The following LMAN2 variants were observed in gnomAD, a reference collection of about 807,000 sequenced individuals.
The protein encoded by LMAN2 is vesicular integral-membrane protein VIP36.
Under a neutral mutation model 39.3 loss-of-function variants are expected in LMAN2, and 22 were observed. The observed-to-expected ratio is 0.56, with a 90% CI of 0.40 to 0.80. LMAN2 has a LOEUF of 0.80. LMAN2 is among the 30% of genes least tolerant of loss of function. LMAN2 has a pLI of 0.00. For synonymous variants in LMAN2, 207 were observed against 207.8 expected (o/e 1.00, Z 0.03); for missense variants, 494 against 505.4 (o/e 0.98, Z 0.22).
Position 177,334,266 on chromosome 5 carries a change from G to A in LMAN2, c.910+18C>T, listed in dbSNP as rs1461116489. The A allele has an allele frequency of 1.1e-5, 17 of 1,607,984 alleles. No individual in the cohort carries two copies. The highest frequency in any genetic ancestry group is 4.5e-5 in the East Asian group (2 of 44,824). Reference sequence around the variant, plus strand: ...CAGGCCGCCCAGGCCCAGGCAGGGCGGGGCTGTGCACACGCACCTTTGGGC... The same window carrying A: ...CAGGCCGCCCAGGCCCAGGCAGGGCAGGGCTGTGCACACGCACCTTTGGGC... On this transcript the variant is annotated intron_variant, in intron 7 of 7. Coordinates refer to ENST00000303127, the MANE Select transcript of LMAN2 (RefSeq NM_006816.3).
chr5:177,347,700 C>T (rs1396956310), intron 2 of LMAN2, among the ~76,000 whole-genome samples: 1 of 152,156 alleles, frequency 6.6e-6, no homozygotes, highest in Non-Finnish European at 1.5e-5. Context: ...TGCAACGAAA[C>T]GGAATGCAGA....
At chr5:177,334,240 T>A (rs765987894) in intron 7 of LMAN2, 44 bp downstream of exon 7, 2 of 1,577,604 alleles carry the variant, frequency 1.3e-6, no homozygotes, top group East Asian at 4.5e-5. Context: ...CCATTCTGGG[T>A]CAGGCCGCCC....
chr5:177,350,090 G>A lies in LMAN2; in HGVS notation c.315+1083C>T, dbSNP rs1761698657. 2.0e-5 allele frequency among the ~76,000 whole-genome samples: 3 copies of A among 152,256 alleles called. No individual in the cohort carries two copies. The South Asian group carries it at 6.2e-4, about 31-fold the overall frequency. On this transcript the variant is annotated intron_variant, in intron 2 of 7. Coordinates refer to ENST00000303127, the MANE Select transcript of LMAN2 (RefSeq NM_006816.3). ...AGGGGACTCCACGCTCTGAGGATCA[G>A]ACTGAAAGCTGAAGAAAGTATCCGC...
Position 177,335,080 on chromosome 5 carries a change from C to T in LMAN2, c.791-677G>A, listed in dbSNP as rs528565946. 6.4e-4 allele frequency among the ~76,000 whole-genome samples: 97 copies of T among 152,326 alleles called. 1 individual carries two copies. The highest frequency in any genetic ancestry group is 2.3e-3 in the African/African-American group (95 of 41,576). On this transcript the variant is annotated intron_variant, in intron 6 of 7. Coordinates refer to ENST00000303127, the MANE Select transcript of LMAN2 (RefSeq NM_006816.3). The stretch of plus-strand genomic sequence containing the variant: ...AGGAGGCTGAGGCTCAAAGCCGACA[C>T]GTGGGTCCTGGTCAGCCTGGGACTG...
intron 2 of LMAN2, among the ~76,000 whole-genome samples, chr5:177,345,736 C>CATTCATTT (rs1554092033): frequency 0.017 from 2,350 of 135,524 alleles, 57 homozygotes; most frequent in Admixed American, 0.063. Flanking sequence ...CCATGGCATG[C>CATTCATTT]ATTTATTTAT....
At chr5:177,336,487 A>C (rs10056172) in intron 6 of LMAN2, among the ~76,000 whole-genome samples, 10,629 of 151,934 alleles carry the variant, frequency 0.07, 1,203 homozygotes, top group African/African-American at 0.24. Flanking sequence ...CACTTGGGAG[A>C]CTCCTGTGAG....
intron 7 of LMAN2, among the ~76,000 whole-genome samples, chr5:177,333,085 A>G (rs1761415427): frequency 6.6e-6 from 1 of 151,600 alleles, no homozygotes; most frequent in Non-Finnish European, 1.5e-5. Context: ...CCTGCTGACC[A>G]CTCTCGCCCC....
chr5:177,351,405 T>G, intron 1 of LMAN2, 47 bp downstream of exon 1: 1 of 1,606,708 alleles, frequency 6.2e-7, no homozygotes, highest in Non-Finnish European at 8.5e-7. Context: ...CTAGCCCTGT[T>G]CAGCCTCGCC....
In LMAN2 at chr5:177,351,373, A is replaced by G. The variant is rs144047573; in HGVS notation, c.196+79T>C. The G allele has an allele frequency of 8.8e-4, 1,405 of 1,605,610 alleles. 16 individuals are homozygous for G. The African/African-American group carries it at 0.016, about 18-fold the overall frequency. Reference sequence around the variant, plus strand: ...GGAAACCCACAGAGATGCTCTGCTCAGGAGAAAGGGCACGCCTTCCCCTAG... The same window carrying G: ...GGAAACCCACAGAGATGCTCTGCTCGGGAGAAAGGGCACGCCTTCCCCTAG... On this transcript the variant is annotated intron_variant, in intron 1 of 7. Transcript: ENST00000303127.
At chr5:177,347,991 A>G (rs1211281731) in intron 2 of LMAN2, among the ~76,000 whole-genome samples, 1 of 152,170 alleles carries the variant, frequency 6.6e-6, no homozygotes, top group East Asian at 1.9e-4. Flanking sequence ...CCCCATCTCC[A>G]ACTACTATTT....
At chr5:177,333,847 G>C (rs1312463441) in intron 7 of LMAN2, among the ~76,000 whole-genome samples, 1 of 133,016 alleles carries the variant, frequency 7.5e-6, no homozygotes, top group Non-Finnish European at 1.6e-5. Flanking sequence ...CCCTTGACCA[G>C]CAGCACGACT....
chr5:177,341,757 A>C (rs762889974), intron 2 of LMAN2, among the ~76,000 whole-genome samples: 2 of 152,260 alleles, frequency 1.3e-5, no homozygotes, highest in Non-Finnish European at 2.9e-5. Flanking sequence ...TGACTGCACA[A>C]AACAATGGGT....
At position 177,332,913 on chromosome 5, in the gene LMAN2, C is replaced by A. The variant is rs976967578; in HGVS notation, c.911-667G>T. 2.6e-5 allele frequency among the ~76,000 whole-genome samples: 4 copies of A among 151,834 alleles called. No homozygotes were observed. Among genetic ancestry groups the A allele is most frequent in the Non-Finnish European group, 5.9e-5 (4 of 67,922 alleles). On this transcript the variant is annotated intron_variant, in intron 7 of 7. Transcript: ENST00000303127. This position sits in a 1 kb window ranked among gnomAD's most constrained non-coding sequence, Gnocchi z 6.3. ...TGTTTCTGCCACTCTGCCTCCCTCCCTGACTGCGGCCCCCCCGACTCCACA... is the reference window on the plus strand; with the variant it reads ...TGTTTCTGCCACTCTGCCTCCCTCCATGACTGCGGCCCCCCCGACTCCACA...
At chr5:177,343,565 A>ACG (rs1761588946) in intron 2 of LMAN2, among the ~76,000 whole-genome samples, 1 of 23,868 alleles carries the variant, frequency 4.2e-5, no homozygotes, top group African/African-American at 1.3e-3. Context: ...TGTGGTCTAG[A>ACG]CACACACACA....
At chr5:177,349,585 A>G (rs1448931332) in intron 2 of LMAN2, among the ~76,000 whole-genome samples, 2 of 152,252 alleles carry the variant, frequency 1.3e-5, no homozygotes, top group Admixed American at 6.5e-5. Context: ...CGAGCCACTG[A>G]TGATGCCAAC....
At chr5:177,341,901 C>T (rs1249858308) in intron 2 of LMAN2, among the ~76,000 whole-genome samples, 1 of 152,110 alleles carries the variant, frequency 6.6e-6, no homozygotes. Flanking sequence ...ACATGAATGC[C>T]TGCTTTAAAT....
At chr5:177,346,866 A>G (rs1333228935) in intron 2 of LMAN2, among the ~76,000 whole-genome samples, 1 of 152,164 alleles carries the variant, frequency 6.6e-6, no homozygotes, top group Admixed American at 6.5e-5. Context: ...CAAAAACATG[A>G]GGAAAGCTAG....
At chr5:177,345,339 TAA>T (rs10639580) in intron 2 of LMAN2, among the ~76,000 whole-genome samples, 42 of 52,406 alleles carry the variant, frequency 8.0e-4, no homozygotes, top group African/African-American at 1.7e-3. Flanking sequence ...AGACCCTGTC[TAA>T]AAAAAAAAAA....
At chr5:177,348,506 G>A (rs1761670192) in intron 2 of LMAN2, among the ~76,000 whole-genome samples, 1 of 151,820 alleles carries the variant, frequency 6.6e-6, no homozygotes, top group South Asian at 2.1e-4. Context: ...CGCAAACATG[G>A]CAAAACCTCA....
Sources: gnomAD v4.1 joint callset for allele counts (sites outside exome capture counted in the v4.1 genomes callset) on GRCh38, gnomAD v4.1.1 for gene constraint, Gnocchi (gnomAD v3.1) non-coding constraint, MANE v1.5 for transcripts, NCBI Gene and HGNC (gene_info 2026-07-23, HGNC 2026-07-21) for gene names.